The following ZSWIM7 variants were observed in gnomAD, a reference collection of about 807,000 sequenced individuals.
ZSWIM7 encodes zinc finger SWIM domain-containing protein 7.
ZSWIM7 carries 22 observed loss-of-function variants against 21.1 expected under a neutral mutation model. The observed-to-expected ratio is 1.04, with a 90% CI of 0.74 to 1.49. ZSWIM7 has a LOEUF of 1.49. Among genes scored for constraint, ZSWIM7 ranks in the 40% most tolerant of loss-of-function variants. The probability of loss-of-function intolerance (pLI) is 0.00; values close to 1 mark genes in which losing one functional copy is unlikely to be tolerated. For synonymous variants in ZSWIM7, 67 were observed against 66.5 expected (o/e 1.01, Z -0.04); for missense variants, 193 against 168.0 (o/e 1.15, Z -0.82).
chr17:15,987,506 C>A, intron 2 of ZSWIM7, 138 bp from the exon 3 acceptor site: 2 of 682,498 alleles, frequency 2.9e-6, no homozygotes, highest in Non-Finnish European at 2.5e-6. Context: ...ACAGCAAAAC[C>A]CATGGACCCA....
At chr17:15,997,036 T>A (rs1211039095) in intron 1 of ZSWIM7, among the ~76,000 whole-genome samples, 1 of 151,572 alleles carries the variant, frequency 6.6e-6, no homozygotes, top group Non-Finnish European at 1.5e-5. Flanking sequence ...ATTGTGTGCC[T>A]GCAGTCCCAG....
At chr17:15,994,680 C>T (rs1262405266) in intron 1 of ZSWIM7, among the ~76,000 whole-genome samples, 1 of 152,134 alleles carries the variant, frequency 6.6e-6, no homozygotes, top group Non-Finnish European at 1.5e-5. Context: ...GTCAGGGTGT[C>T]ACACTGAAAA....
intron 2 of ZSWIM7, among the ~76,000 whole-genome samples, chr17:15,989,841 A>G (rs1355003103): frequency 1.3e-5 from 2 of 152,020 alleles, no homozygotes; most frequent in East Asian, 3.9e-4. Flanking sequence ...TGTGCTGCCT[A>G]AGCTGGTCTC....
At position 15,987,368 on chromosome 17, in the gene ZSWIM7, C is replaced by T. The variant is rs987890075; in HGVS notation, c.99G>A (p.Ser33=). 1 of 1,612,378 alleles carries T rather than the reference C, an allele frequency of 6.2e-7. No homozygotes were observed. The highest frequency in any genetic ancestry group is 1.1e-5 in the South Asian group (1 of 90,688). Residue 33 remains serine (S), a splice_region_variant and synonymous_variant, in exon 3 of 5, where the codon TCG becomes TCA. Coordinates refer to ENST00000399277, the MANE Select transcript of ZSWIM7 (RefSeq NM_001042697.2). ...CTGATGAGCCAAAGAGAAACTTCAG[C>T]CTGTGAAATAAAAACACTTCAGATT... ...SARIPDEYLL[S]LKFLFGSSAT...
rs1970332545 is a variant in ZSWIM7 at position 15,979,869 on chromosome 17, CGGGGGGCTG to C, written c.306+1162_306+1170del. 1.1e-4 allele frequency among the ~76,000 whole-genome samples: 4 copies of C among 37,848 alleles called. 1 individual carries two copies. The highest frequency in any genetic ancestry group is 5.9e-4 in the African/African-American group (4 of 6,752). 24.8% of individuals were successfully genotyped at this position (37,848 alleles called of 152,430 possible). A position where few individuals can be genotyped will look rare whatever the true frequency, so the allele number is the denominator to read the frequency against. ...CTCCCGGACGGGGCGGCTGGCCGGG[CGGGGGGCTG>C]ACCCCCCCACCTCCCTCCCGGACGG... On this transcript the variant is annotated intron_variant, in intron 4 of 4. Transcript: ENST00000399277.
chr17:15,991,896 C>T (rs1021909362), intron 2 of ZSWIM7, among the ~76,000 whole-genome samples: 1 of 146,022 alleles, frequency 6.8e-6, no homozygotes, highest in African/African-American at 2.6e-5. Context: ...CCTCCTGGGA[C>T]AGGTTTTGTT....
At chr17:15,994,692 A>G (rs1429515802) in intron 1 of ZSWIM7, among the ~76,000 whole-genome samples, 1 of 152,204 alleles carries the variant, frequency 6.6e-6, no homozygotes, top group Non-Finnish European at 1.5e-5. Context: ...CACTGAAAAC[A>G]GGATCTCCTG....
intron 1 of ZSWIM7, among the ~76,000 whole-genome samples, chr17:15,998,570 C>G (rs1970598016): frequency 6.6e-6 from 1 of 152,050 alleles, no homozygotes; most frequent in African/African-American, 2.4e-5. Context: ...TTGAGTATAT[C>G]AAATTTGATT....
At chr17:15,987,581 A>G (rs2151625301) in intron 2 of ZSWIM7, among the ~76,000 whole-genome samples, 1 of 152,066 alleles carries the variant, frequency 6.6e-6, no homozygotes, top group Admixed American at 6.6e-5. Context: ...TATTATGTAT[A>G]TATGTGTGTG....
intron 2 of ZSWIM7, among the ~76,000 whole-genome samples, chr17:15,988,934 C>T (rs56222555): frequency 0.022 from 3,290 of 152,166 alleles, 124 homozygotes; most frequent in African/African-American, 0.076. Flanking sequence ...GCAGGAGAAT[C>T]GCTTGAATCC....
At chr17:15,979,932 A>T (rs1326562600) in intron 4 of ZSWIM7, among the ~76,000 whole-genome samples, 3 of 97,734 alleles carry the variant, frequency 3.1e-5, no homozygotes, top group African/African-American at 9.6e-5. Context: ...TCCCTCCCGG[A>T]CGGGGCGGCT....
chr17:15,998,867 G>A (rs1454784964), intron 1 of ZSWIM7, among the ~76,000 whole-genome samples: 3 of 150,844 alleles, frequency 2.0e-5, no homozygotes, highest in Admixed American at 1.3e-4. Flanking sequence ...CGATTCTCCT[G>A]CCTCAGCCTC....
intron 3 of ZSWIM7, among the ~76,000 whole-genome samples, chr17:15,985,889 AAAAACACC>A (rs1970403842): frequency 6.6e-6 from 1 of 152,224 alleles, no homozygotes; most frequent in Non-Finnish European, 1.5e-5. Flanking sequence ...AACCAAAAAT[AAAAACACC>A]AGGAAAGAGG....
intron 1 of ZSWIM7, among the ~76,000 whole-genome samples, chr17:15,997,912 C>A (rs1490110173): frequency 1.3e-5 from 2 of 152,096 alleles, no homozygotes; most frequent in Non-Finnish European, 2.9e-5. Flanking sequence ...ACCAGCCTGG[C>A]CAATATGGTG....
intron 1 of ZSWIM7, among the ~76,000 whole-genome samples, chr17:15,997,701 G>A (rs1970574140): frequency 6.6e-6 from 1 of 152,182 alleles, no homozygotes; most frequent in Non-Finnish European, 1.5e-5. Flanking sequence ...AAATAAACAT[G>A]AATCAACAGC....
At chr17:15,980,495 C>T (rs2286795) in intron 4 of ZSWIM7, 97,798 of 152,158 alleles carry the variant, frequency 0.64, 32,938 homozygotes, top group African/African-American at 0.85. Context: ...ACTTAGAAAA[C>T]AGCTGCCTGC....
intron 4 of ZSWIM7, 47 bp from the exon 5 acceptor site, chr17:15,978,210 G>A (rs1311501351): frequency 6.9e-7 from 1 of 1,449,442 alleles, no homozygotes. Context: ...CAGGGCCAGG[G>A]CTGGCCAGTC....
intron 2 of ZSWIM7, 70 bp from the exon 3 acceptor site, chr17:15,987,438 A>T: frequency 8.0e-7 from 1 of 1,252,846 alleles, no homozygotes; most frequent in South Asian, 1.3e-5. Context: ...TGCCCAAAGG[A>T]TCACTAGACT....
intron 2 of ZSWIM7, among the ~76,000 whole-genome samples, chr17:15,993,109 C>T (rs1023808930): frequency 1.3e-5 from 2 of 151,956 alleles, no homozygotes; most frequent in African/African-American, 4.8e-5. Flanking sequence ...AACTCCTGAC[C>T]TCAAGTGATC....
Sources: gnomAD v4.1 joint callset for allele counts (sites outside exome capture counted in the v4.1 genomes callset) on GRCh38, gnomAD v4.1.1 for gene constraint, MANE v1.5 for transcripts, NCBI Gene and HGNC (gene_info 2026-07-23, HGNC 2026-07-21) for gene names.